The following MTHFD2L variants were observed in gnomAD, a reference collection of about 807,000 sequenced individuals.
The protein encoded by MTHFD2L is bifunctional methylenetetrahydrofolate dehydrogenase/cyclohydrolase 2, mitochondrial.
In MTHFD2L, 29 loss-of-function variants were observed where a neutral mutation model predicts 34.9. The observed-to-expected ratio is 0.83, with a 90% CI of 0.62 to 1.13. The LOEUF is 1.13. Among genes scored for constraint, MTHFD2L ranks in the 50% most tolerant of loss-of-function variants. The probability of loss-of-function intolerance (pLI) is 0.00; values close to 1 mark genes in which losing one functional copy is unlikely to be tolerated. For missense variants in MTHFD2L, 481 were observed against 446.5 expected (o/e 1.08, Z -0.70); for synonymous variants, 167 against 155.7 (o/e 1.07, Z -0.54).
intron 1 of MTHFD2L, among the ~76,000 whole-genome samples, chr4:74,133,716 G>A (rs551525107): frequency 3.9e-5 from 6 of 152,188 alleles, no homozygotes; most frequent in Admixed American, 2.0e-4. Context: ...TATCTGAATT[G>A]TTTTTCTATG....
chr4:74,253,222 A>G (rs1273291345), intron 6 of MTHFD2L, among the ~76,000 whole-genome samples: 1 of 152,152 alleles, frequency 6.6e-6, no homozygotes, highest in East Asian at 1.9e-4. Context: ...GAGAAGATGC[A>G]AAAGTGAGCC....
chr4:74,178,457 A>G (rs1311417173), intron 3 of MTHFD2L, among the ~76,000 whole-genome samples: 4 of 152,020 alleles, frequency 2.6e-5, no homozygotes, highest in African/African-American at 9.7e-5. Flanking sequence ...TTTGAGCAAC[A>G]TTCCTTATTT....
upstream of MTHFD2L, chr4:74,125,352 C>T (rs1332777699): frequency 3.3e-5 from 5 of 152,144 alleles, no homozygotes; most frequent in African/African-American, 1.2e-4. Flanking sequence ...CCATTTACCA[C>T]TGAGCCAAAT....
intron 1 of MTHFD2L, among the ~76,000 whole-genome samples, chr4:74,137,382 A>G (rs1299742118): frequency 1.3e-5 from 2 of 152,276 alleles, no homozygotes; most frequent in East Asian, 3.9e-4. Flanking sequence ...ACAGTACTAT[A>G]TATCAGAGAA....
intron 1 of MTHFD2L, among the ~76,000 whole-genome samples, chr4:74,158,931 C>T (rs984716497): frequency 6.6e-6 from 1 of 152,178 alleles, no homozygotes; most frequent in African/African-American, 2.4e-5. Context: ...GTTGCAAAAT[C>T]CGTCTTAACA....
At chr4:74,145,527 T>G (rs773772719) in intron 1 of MTHFD2L, among the ~76,000 whole-genome samples, 2 of 152,184 alleles carry the variant, frequency 1.3e-5, no homozygotes, top group Non-Finnish European at 2.9e-5. Context: ...ATTAGAGACC[T>G]GAAAGGTAAA....
chr4:74,201,127 C>T, intron 4 of MTHFD2L, 136 bp from the exon 5 acceptor site: 2 of 585,986 alleles, frequency 3.4e-6, no homozygotes, highest in East Asian at 2.9e-5. Flanking sequence ...AATGAATGTG[C>T]TCATATTATA....
chr4:74,264,455 T>A (rs1241522047), intron 6 of MTHFD2L, among the ~76,000 whole-genome samples: 1 of 151,900 alleles, frequency 6.6e-6, no homozygotes, highest in Non-Finnish European at 1.5e-5. Context: ...AGTGTGTGCT[T>A]CTCCCTTATT....
At chr4:74,244,065 G>T (rs1240869327) in intron 6 of MTHFD2L, among the ~76,000 whole-genome samples, 1 of 152,136 alleles carries the variant, frequency 6.6e-6, no homozygotes, top group Non-Finnish European at 1.5e-5. Context: ...TGTTTGTTGG[G>T]GGTGGGTTCT....
chr4:74,240,263 A>G (rs999442016), intron 6 of MTHFD2L, among the ~76,000 whole-genome samples: 6 of 152,330 alleles, frequency 3.9e-5, no homozygotes, highest in African/African-American at 1.4e-4. Context: ...ATTTCTACAA[A>G]TACAAATAAA....
chr4:74,296,929 A>G (rs1444965254), intron 7 of MTHFD2L, among the ~76,000 whole-genome samples: 1 of 152,078 alleles, frequency 6.6e-6, no homozygotes, highest in Non-Finnish European at 1.5e-5. Flanking sequence ...AAGAATAAAT[A>G]TTCATCAGCT....
chr4:74,122,340 C>G (rs1019805753), upstream of MTHFD2L, among the ~76,000 whole-genome samples: 2 of 152,142 alleles, frequency 1.3e-5, no homozygotes, highest in Admixed American at 1.3e-4. Context: ...ACAAGCACAT[C>G]TTCACATGGT....
At chr4:74,270,605 A>C (rs1487227668) in intron 6 of MTHFD2L, among the ~76,000 whole-genome samples, 1 of 152,164 alleles carries the variant, frequency 6.6e-6, no homozygotes, top group Non-Finnish European at 1.5e-5. Flanking sequence ...AGTCTTTGCT[A>C]TTGTGAGTAG....
At chr4:74,261,024 A>G (rs1744625662) in intron 6 of MTHFD2L, among the ~76,000 whole-genome samples, 1 of 151,782 alleles carries the variant, frequency 6.6e-6, no homozygotes, top group African/African-American at 2.4e-5. Flanking sequence ...AAAAATATAT[A>G]TATATATACT....
At chr4:74,236,735 A>G (rs1051705265) in intron 6 of MTHFD2L, among the ~76,000 whole-genome samples, 6 of 152,234 alleles carry the variant, frequency 3.9e-5, no homozygotes, top group Non-Finnish European at 7.3e-5. Context: ...GTGTCAGTAG[A>G]TGATTAAAAA....
At chr4:74,147,160 C>G (rs1457953111) in intron 1 of MTHFD2L, among the ~76,000 whole-genome samples, 1 of 152,068 alleles carries the variant, frequency 6.6e-6, no homozygotes, top group Non-Finnish European at 1.5e-5. Context: ...TCTTCTCTGT[C>G]TGATTTCTTT....
intron 5 of MTHFD2L, among the ~76,000 whole-genome samples, chr4:74,202,965 C>G (rs1734699267): frequency 6.6e-6 from 1 of 152,052 alleles, no homozygotes; most frequent in Non-Finnish European, 1.5e-5. Context: ...CTCAAACTTT[C>G]AATAATACTT....
At chr4:74,201,602 A>C (rs1186051479) in intron 5 of MTHFD2L, among the ~76,000 whole-genome samples, 1 of 150,464 alleles carries the variant, frequency 6.6e-6, no homozygotes, top group Non-Finnish European at 1.5e-5. Flanking sequence ...CACTTTGTTT[A>C]AATAATTAAC....
chr4:74,229,148 G>T (rs1447889627), intron 6 of MTHFD2L, among the ~76,000 whole-genome samples: 2 of 152,130 alleles, frequency 1.3e-5, no homozygotes, highest in Non-Finnish European at 2.9e-5. Context: ...AGAAAATTGA[G>T]AATTTATAAG....
Sources: gnomAD v4.1 joint callset for allele counts (sites outside exome capture counted in the v4.1 genomes callset) on GRCh38, gnomAD v4.1.1 for gene constraint, MANE v1.5 for transcripts, NCBI Gene and HGNC (gene_info 2026-07-23, HGNC 2026-07-21) for gene names.